Variants in SNAP47 observed in about 807,000 individuals in gnomAD.
SNAP47 encodes the protein synaptosomal-associated protein 47.
Under a neutral mutation model 31.4 loss-of-function variants are expected in SNAP47, and 20 were observed. The observed-to-expected ratio is 0.64, with a 90% confidence interval of 0.45 to 0.93. The LOEUF is 0.93. SNAP47 is among the 40% of genes least tolerant of loss of function. The pLI, the probability that SNAP47 is intolerant of heterozygous loss-of-function variation, is 0.00. For synonymous variants in SNAP47, 194 were observed against 213.4 expected, an observed-to-expected ratio of 0.91 and a Z score of 0.79; for missense variants, 492 against 528.5, an observed-to-expected ratio of 0.93 and a Z score of 0.68.
At chr1:227,767,786 G>A (rs1663536072) in intron 4 of SNAP47, among the ~76,000 whole-genome samples, 1 of 152,228 alleles carries the variant, frequency 6.6e-6, no homozygotes, top group African/African-American at 2.4e-5. Flanking sequence ...CATGCATGCA[G>A]GTACATGCCT....
intron 2 of SNAP47, among the ~76,000 whole-genome samples, chr1:227,753,198 C>T (rs1662487865): frequency 6.6e-6 from 1 of 152,208 alleles, no homozygotes; most frequent in Non-Finnish European, 1.5e-5. Context: ...AAGCATGCTG[C>T]AGTGAACTTG....
intron 4 of SNAP47, among the ~76,000 whole-genome samples, chr1:227,774,422 C>T (rs116642260): frequency 0.018 from 2,664 of 152,182 alleles, 59 homozygotes; most frequent in African/African-American, 0.058. Flanking sequence ...GTGTCACCCA[C>T]CGGGAGAGTG....
In SNAP47 at chr1:227,759,358, G is replaced by T; in HGVS notation, c.861G>T (p.Met287Ile). ...CCTATCGTTTGATATCTGCCAAGAT[G>T]CCAGAGGTTATCCCCATTTTAGAAG... ...DMAYRLISAK[M>I]PEVIPILEVQ... The change falls in exon 3 of 5, where the codon ATG (methionine) becomes ATT (isoleucine). Residue 287 changes from methionine to isoleucine, a missense_variant. Transcript: ENST00000617596. 1 of 1,614,230 alleles carries T rather than the reference G, an allele frequency of 6.2e-7. No individual in the cohort carries two copies. The highest frequency in any genetic ancestry group is 1.1e-5 in the South Asian group (1 of 91,082).
intron 2 of SNAP47, among the ~76,000 whole-genome samples, chr1:227,752,894 C>G (rs952382169): frequency 2.0e-5 from 3 of 152,204 alleles, no homozygotes; most frequent in African/African-American, 7.2e-5. Context: ...CTTCTGCAGG[C>G]ACCATCAGCC....
At chr1:227,733,176 G>T (rs2102862185), upstream of SNAP47, 1 of 980,370 alleles carries the variant, frequency 1.0e-6, no homozygotes, top group East Asian at 2.6e-5. Context: ...GCTCAGCAGG[G>T]AAGTGGGTGG....
At chr1:227,768,320 C>T (rs78220343) in intron 4 of SNAP47, 93,908 of 985,284 alleles carry the variant, frequency 0.095, 4,595 homozygotes, top group Middle Eastern at 0.16. Flanking sequence ...GTTCTGTGTC[C>T]ACGCAGGGCA....
At chr1:227,754,274 T>A (rs556532402) in intron 2 of SNAP47, among the ~76,000 whole-genome samples, 17 of 152,332 alleles carry the variant, frequency 1.1e-4, no homozygotes, top group African/African-American at 3.1e-4. Flanking sequence ...CCAGCTGCCC[T>A]TGTGTCCCTT....
chr1:227,747,666 G>A (rs1662054354), intron 1 of SNAP47, 26 bp from the exon 2 acceptor site: 4 of 1,558,982 alleles, frequency 2.6e-6, no homozygotes, highest in African/African-American at 1.4e-5. Context: ...GGTGACGGCA[G>A]AACGTTACTG....
At chr1:227,755,331 G>A (rs976131268) in intron 2 of SNAP47, among the ~76,000 whole-genome samples, 2 of 152,146 alleles carry the variant, frequency 1.3e-5, no homozygotes, top group African/African-American at 2.4e-5. Flanking sequence ...AGCCTCCCAT[G>A]TAGCTGGACC....
Position 227,777,501 on chromosome 1 carries a change from G to A in SNAP47, c.1114-3026G>A, listed in dbSNP as rs80032797. ...TGGCTCCTGATCCCTGAGTTGTTGC[G>A]GGTCTCTGCTGGGCCTTGCCGTAGG... On this transcript the variant is annotated intron_variant, in intron 4 of 4. Coordinates refer to ENST00000617596, the MANE Select transcript of SNAP47 (RefSeq NM_053052.4). 4.1e-3 allele frequency among the ~76,000 whole-genome samples: 622 copies of A among 152,258 alleles called. 9 individuals carry two copies. The highest frequency in any genetic ancestry group is 0.014 in the African/African-American group (591 of 41,550).
At chr1:227,772,288 A>G (rs1663866270) in intron 4 of SNAP47, among the ~76,000 whole-genome samples, 1 of 152,194 alleles carries the variant, frequency 6.6e-6, no homozygotes, top group Non-Finnish European at 1.5e-5. Flanking sequence ...ATTCACCACC[A>G]TCATCCTGCA....
intron 2 of SNAP47, among the ~76,000 whole-genome samples, chr1:227,752,549 T>C (rs1662446613): frequency 6.6e-6 from 1 of 152,222 alleles, no homozygotes; most frequent in African/African-American, 2.4e-5. Flanking sequence ...TCCATCTTGG[T>C]GAAATGGCAG....
At chr1:227,743,990 C>G (rs1661789193) in intron 1 of SNAP47, 1 of 152,252 alleles carries the variant, frequency 6.6e-6, no homozygotes, top group Non-Finnish European at 1.5e-5. Flanking sequence ...GGACCTCCTG[C>G]AGACGCCGAG....
chr1:227,752,844 G>A (rs1237301860), intron 2 of SNAP47, among the ~76,000 whole-genome samples: 1 of 152,182 alleles, frequency 6.6e-6, no homozygotes, highest in African/African-American at 2.4e-5. Flanking sequence ...AGTCTCAGAT[G>A]GGCAGTTAAT....
chr1:227,742,701 G>A (rs945969081), intron 1 of SNAP47, among the ~76,000 whole-genome samples: 5 of 152,144 alleles, frequency 3.3e-5, no homozygotes, highest in African/African-American at 1.2e-4. Context: ...GCCAGGTATG[G>A]CTGAGGTCTG....
upstream of SNAP47, chr1:227,734,873 C>A (rs528183272): frequency 5.0e-6 from 8 of 1,603,814 alleles, no homozygotes; most frequent in African/African-American, 9.4e-5. Context: ...CACTCCAAAC[C>A]GTCTGCAGAG....
chr1:227,733,596 C>T (rs1243299307), upstream of SNAP47: 1 of 1,607,702 alleles, frequency 6.2e-7, no homozygotes, highest in East Asian at 2.2e-5. Context: ...TCTTCCTGCC[C>T]TGGGGGGAAG....
rs904256901 is a variant in SNAP47, at chr1:227,762,733, C to T, written c.988+3248C>T. 3.9e-5 allele frequency among the ~76,000 whole-genome samples: 6 copies of T among 152,308 alleles called. No individual in the cohort carries two copies. The highest frequency in any genetic ancestry group is 4.1e-4 in the South Asian group (2 of 4,828). On this transcript the variant is annotated intron_variant, in intron 3 of 4. Coordinates refer to ENST00000617596, the MANE Select transcript of SNAP47 (RefSeq NM_053052.4). This position sits in a 1 kb window ranked among gnomAD's most constrained non-coding sequence, Gnocchi z 4.2. ...ATTTTATTCTAGACACTCGTCCTTG[C>T]GTTGAGGAGCACCCAGGACCGCACA...
upstream of SNAP47, among the ~76,000 whole-genome samples, chr1:227,728,209 T>C (rs1169820085): frequency 6.6e-6 from 1 of 152,202 alleles, no homozygotes; most frequent in African/African-American, 2.4e-5. Context: ...TAGGAGGTTT[T>C]CCCAGGCTCG....
Sources: allele counts gnomAD v4.1 joint callset (sites outside exome capture counted in the v4.1 genomes callset), GRCh38; gene constraint gnomAD v4.1.1; non-coding constraint Gnocchi (gnomAD v3.1); transcripts MANE v1.5; gene names NCBI Gene and HGNC (gene_info 2026-07-23, HGNC 2026-07-21).